ATG7: variants seen among roughly 807,000 people sequenced by gnomAD.
ATG7 encodes ubiquitin-like modifier-activating enzyme ATG7.
Under a neutral mutation model 82.4 loss-of-function variants are expected in ATG7, and 70 were observed. That is an observed-to-expected ratio of 0.85 (90% CI 0.70 to 1.04). The LOEUF is 1.04. Among genes scored for constraint, ATG7 ranks in the 50% least tolerant of loss-of-function variants. ATG7 has a pLI of 0.00. For missense variants in ATG7, 792 were observed against 864.3 expected, an observed-to-expected ratio of 0.92 and a Z score of 1.05; for synonymous variants, 287 against 313.0, an observed-to-expected ratio of 0.92 and a Z score of 0.88.
At position 11,335,707 on chromosome 3, in the gene ATG7, C is replaced by CT. The variant is rs1159685010; in HGVS notation, c.889+2621dup. Among the ~76,000 whole-genome samples the CT allele has an allele frequency of 7.2e-5, 11 of 151,960 alleles. No homozygotes were observed. The East Asian group carries it at 2.1e-3, about 29-fold the overall frequency. On this transcript the variant is annotated intron_variant, in intron 11 of 20. Coordinates refer to ENST00000693202, the MANE Select transcript of ATG7 (RefSeq NM_001349232.2). ...CTTGATGATGCTGACATTTTTTTTG[C>CT]TTTTTTTGAGACAGAGTCTTGCCCT...
chr3:11,573,248 A>AGC, the ATG7 span, among the ~76,000 whole-genome samples: 378 of 5,598 alleles, frequency 0.068, 21 homozygotes, highest in African/African-American at 0.11. Context: ...AGAAATAGAG[A>AGC]AAGAAAGAAA....
chr3:11,477,074 A>G (rs1385065706), intron 20 of ATG7: 1 of 1,277,758 alleles, frequency 7.8e-7, no homozygotes, highest in African/African-American at 1.5e-5. Context: ...TTTAACTGGC[A>G]ATCAGTTATT....
intron 20 of ATG7, among the ~76,000 whole-genome samples, chr3:11,434,846 T>C (rs997809878): frequency 2.6e-5 from 4 of 152,184 alleles, no homozygotes; most frequent in Non-Finnish European, 5.9e-5. Context: ...CAAAGACAGC[T>C]AATATTAGGA....
chr3:11,314,928 G>T (rs532359044), intron 8 of ATG7, among the ~76,000 whole-genome samples: 11 of 152,234 alleles, frequency 7.2e-5, no homozygotes, highest in Admixed American at 2.0e-4. Flanking sequence ...GTCTCAAAAA[G>T]TAGTAAATGG....
chr3:11,483,174 C>G (rs904474), intron 20 of ATG7, among the ~76,000 whole-genome samples: 79,203 of 151,894 alleles, frequency 0.52, 21,560 homozygotes, highest in East Asian at 0.67. Flanking sequence ...TTTTAATAAG[C>G]ATTCTCCCCG....
At chr3:11,374,794 C>T (rs1426239819) in intron 18 of ATG7, among the ~76,000 whole-genome samples, 1 of 150,318 alleles carries the variant, frequency 6.7e-6, no homozygotes, top group Non-Finnish European at 1.5e-5. Flanking sequence ...GTCCCAGCTA[C>T]TCGGGAGGCT....
At chr3:11,570,873 C>T in the ATG7 span, among the ~76,000 whole-genome samples, 3 of 152,322 alleles carry the variant, frequency 2.0e-5, no homozygotes, top group African/African-American at 7.2e-5. Context: ...ATCACCGTGG[C>T]TTCTCTCCCC....
downstream of ATG7, chr3:11,558,629 G>C (rs1394490112): frequency 1.2e-6 from 2 of 1,609,612 alleles, no homozygotes; most frequent in South Asian, 1.1e-5. Flanking sequence ...GCCCCTGCGA[G>C]AGGCGGACTC....
At chr3:11,571,055 G>A in the ATG7 span, among the ~76,000 whole-genome samples, 2 of 152,174 alleles carry the variant, frequency 1.3e-5, no homozygotes, top group African/African-American at 4.8e-5. Context: ...AGGTGGCGGA[G>A]GCTGAGGCAG....
At chr3:11,452,025 G>T (rs1318882220) in intron 20 of ATG7, among the ~76,000 whole-genome samples, 1 of 138,822 alleles carries the variant, frequency 7.2e-6, no homozygotes, top group Admixed American at 7.4e-5. Flanking sequence ...TGGGGGGTTG[G>T]GGGGTTGTGG....
At chr3:11,570,276 C>T in the ATG7 span, among the ~76,000 whole-genome samples, 1 of 152,126 alleles carries the variant, frequency 6.6e-6, no homozygotes, top group Non-Finnish European at 1.5e-5. Context: ...CCATCCCAAG[C>T]TGCCAGGAGG....
intron 18 of ATG7, among the ~76,000 whole-genome samples, chr3:11,368,563 G>A (rs537241148): frequency 1.3e-5 from 2 of 152,178 alleles, no homozygotes; most frequent in Admixed American, 1.3e-4. Context: ...AGGCTGAGGT[G>A]GGAGAATTGC....
intron 19 of ATG7, among the ~76,000 whole-genome samples, chr3:11,406,479 A>G (rs1320600043): frequency 6.6e-6 from 1 of 152,098 alleles, no homozygotes; most frequent in African/African-American, 2.4e-5. Context: ...TTAACTTAAA[A>G]AAAAAATTTG....
the ATG7 span, among the ~76,000 whole-genome samples, chr3:11,571,390 T>G: frequency 5.3e-5 from 8 of 152,078 alleles, no homozygotes; most frequent in Admixed American, 3.9e-4. Context: ...CCCCATTAAC[T>G]CTCCATAAAG....
At chr3:11,284,695 G>A (rs1943654288) in intron 3 of ATG7, among the ~76,000 whole-genome samples, 2 of 152,008 alleles carry the variant, frequency 1.3e-5, no homozygotes, top group South Asian at 2.1e-4. Context: ...GGGACCACAG[G>A]CGTGCACCAC....
At chr3:11,452,407 A>AC (rs1424053459) in intron 20 of ATG7, among the ~76,000 whole-genome samples, 1 of 151,268 alleles carries the variant, frequency 6.6e-6, no homozygotes, top group Non-Finnish European at 1.5e-5. Context: ...AAAAAAAAAA[A>AC]AGGAAATGTT....
chr3:11,366,971 C>CTGTGTGTGTGTGTGTGTG (rs60183965), intron 18 of ATG7, among the ~76,000 whole-genome samples: 31 of 139,694 alleles, frequency 2.2e-4, no homozygotes, highest in African/African-American at 6.9e-4. Context: ...ATGGGAAAAG[C>CTGTGTGTGTGTGTGTGTG]TGTGTGTGTG....
intron 20 of ATG7, among the ~76,000 whole-genome samples, chr3:11,462,251 T>C (rs778606433): frequency 1.3e-5 from 2 of 152,008 alleles, no homozygotes; most frequent in Admixed American, 6.6e-5. Context: ...CTCGTCACCA[T>C]TGCTAAGGGC....
At chr3:11,571,802 G>A in the ATG7 span, among the ~76,000 whole-genome samples, 5 of 152,094 alleles carry the variant, frequency 3.3e-5, no homozygotes, top group Non-Finnish European at 5.9e-5. Context: ...TGTGGCTTGC[G>A]GTCCCAGCGT....
Sources: gnomAD v4.1 joint callset for allele counts (sites outside exome capture counted in the v4.1 genomes callset) on GRCh38, gnomAD v4.1.1 for gene constraint, MANE v1.5 for transcripts, NCBI Gene and HGNC (gene_info 2026-07-23, HGNC 2026-07-21) for gene names.